AFF3: variants seen among roughly 807,000 people sequenced by gnomAD.
AFF3 encodes ALF transcription elongation factor 3.
AFF3 carries 32 observed loss-of-function variants against 129.7 expected under a neutral mutation model. That is an observed-to-expected ratio of 0.25 (90% confidence interval 0.19 to 0.33). AFF3 has a LOEUF of 0.33. Among genes scored for constraint, AFF3 ranks in the 10% least tolerant of loss-of-function variants. The pLI, the probability that AFF3 is intolerant of heterozygous loss-of-function variation, is 1.00. For missense variants in AFF3, 1,373 were observed against 1,592.0 expected, an observed-to-expected ratio of 0.86 and a Z score of 2.34; for synonymous variants, 644 against 635.4, an observed-to-expected ratio of 1.01 and a Z score of -0.20.
intron 8 of AFF3, among the ~76,000 whole-genome samples, chr2:99,836,928 T>C (rs2105789216): frequency 6.6e-6 from 1 of 152,302 alleles, no homozygotes; most frequent in African/African-American, 2.4e-5. Flanking sequence ...TAAGTCAATC[T>C]GGGCACGAAA....
intron 12 of AFF3, among the ~76,000 whole-genome samples, chr2:99,654,530 T>C (rs76742019): frequency 1.3e-5 from 2 of 152,208 alleles, no homozygotes; most frequent in East Asian, 1.9e-4. Flanking sequence ...AAAGTACTCA[T>C]AGTAAACTAG....
At chr2:99,729,995 T>C (rs922571019) in intron 10 of AFF3, among the ~76,000 whole-genome samples, 9 of 152,178 alleles carry the variant, frequency 5.9e-5, no homozygotes, top group African/African-American at 2.2e-4. Flanking sequence ...GAACTATATA[T>C]GCAAATATAT....
intron 11 of AFF3, among the ~76,000 whole-genome samples, chr2:99,724,000 C>A (rs1460180095): frequency 6.6e-6 from 1 of 152,304 alleles, no homozygotes; most frequent in South Asian, 2.1e-4. Flanking sequence ...ACCAACCCTG[C>A]TGACACCCTG....
chr2:100,063,630 C>A (rs1687479028), intron 4 of AFF3, among the ~76,000 whole-genome samples: 1 of 151,832 alleles, frequency 6.6e-6, no homozygotes, highest in African/African-American at 2.4e-5. Flanking sequence ...AAATGTTAAC[C>A]TAAATGGAGA....
intron 7 of AFF3, among the ~76,000 whole-genome samples, chr2:99,903,315 C>A (rs1007748639): frequency 6.6e-6 from 1 of 152,168 alleles, no homozygotes; most frequent in Non-Finnish European, 1.5e-5. Flanking sequence ...AACAAACTCT[C>A]TTCTGCTTTA....
At chr2:99,816,541 G>A (rs1206277521) in intron 8 of AFF3, among the ~76,000 whole-genome samples, 2 of 152,154 alleles carry the variant, frequency 1.3e-5, no homozygotes, top group African/African-American at 4.8e-5. Context: ...GTGGTCAGGA[G>A]TCTAGTTGTT....
chr2:99,925,741 TGCAGGGA>T, intron 7 of AFF3, among the ~76,000 whole-genome samples: 1 of 152,246 alleles, frequency 6.6e-6, no homozygotes, highest in African/African-American at 2.4e-5. Context: ...GCAGGTAGAG[TGCAGGGA>T]TGCTGCATAC....
At chr2:99,737,649 T>TC (rs199738044) in intron 10 of AFF3, among the ~76,000 whole-genome samples, 1 of 151,914 alleles carries the variant, frequency 6.6e-6, no homozygotes, top group Non-Finnish European at 1.5e-5. Flanking sequence ...TTTTTTTTTT[T>TC]CATTTATCCT....
At chr2:99,624,287 G>C (rs1682336012) in intron 13 of AFF3, among the ~76,000 whole-genome samples, 1 of 152,138 alleles carries the variant, frequency 6.6e-6, no homozygotes, top group Admixed American at 6.5e-5. Context: ...GGAGGTGACA[G>C]TTTGGGAAGC....
chr2:99,552,412 T>C (rs1039717190), intron 24 of AFF3, among the ~76,000 whole-genome samples: 2 of 152,116 alleles, frequency 1.3e-5, no homozygotes, highest in Non-Finnish European at 2.9e-5. Flanking sequence ...ATATCTATGA[T>C]GTACCAAGGC....
At chr2:99,967,026 T>C (rs1303810323) in intron 7 of AFF3, among the ~76,000 whole-genome samples, 2 of 152,166 alleles carry the variant, frequency 1.3e-5, no homozygotes, top group African/African-American at 4.8e-5. Flanking sequence ...AAGTTGGAAG[T>C]CAAAACATCC....
chr2:99,800,247 T>C (rs532845425), intron 8 of AFF3, among the ~76,000 whole-genome samples: 3 of 152,130 alleles, frequency 2.0e-5, no homozygotes, highest in South Asian at 4.1e-4. Context: ...AACAACCTAG[T>C]AAAAAAGGCC....
intron 8 of AFF3, among the ~76,000 whole-genome samples, chr2:99,793,057 CT>C (rs1471444685): frequency 6.6e-6 from 1 of 152,154 alleles, no homozygotes; most frequent in Non-Finnish European, 1.5e-5. Context: ...GCGATGACCC[CT>C]GGTGTTGGAG....
chr2:99,640,641 C>G (rs1179533233), intron 13 of AFF3, among the ~76,000 whole-genome samples: 1 of 150,620 alleles, frequency 6.6e-6, no homozygotes, highest in East Asian at 2.0e-4. Context: ...GCTTTCTTGT[C>G]TCCTTAATCA....
At chr2:99,681,908 ATTTTT>A (rs35944169) in intron 11 of AFF3, among the ~76,000 whole-genome samples, 1 of 139,540 alleles carries the variant, frequency 7.2e-6, no homozygotes. Context: ...CCTTAATTCT[ATTTTT>A]TTTTTTTTTT....
intron 15 of AFF3, among the ~76,000 whole-genome samples, chr2:99,590,167 C>T (rs886268709): frequency 6.6e-6 from 1 of 152,252 alleles, no homozygotes; most frequent in Non-Finnish European, 1.5e-5. Flanking sequence ...GAATGTCTTA[C>T]TACCTGGATG....
At chr2:100,015,353 A>G (rs1682923713) in intron 4 of AFF3, among the ~76,000 whole-genome samples, 1 of 152,094 alleles carries the variant, frequency 6.6e-6, no homozygotes, top group Non-Finnish European at 1.5e-5. Flanking sequence ...ATCTTTTCAG[A>G]TACTTTGAGA....
At chr2:99,609,602 T>C (rs1406754372) in intron 13 of AFF3, among the ~76,000 whole-genome samples, 5 of 152,238 alleles carry the variant, frequency 3.3e-5, no homozygotes, top group African/African-American at 2.4e-5. Flanking sequence ...GGTATATATA[T>C]ACACCACATT....
chr2:99,580,239 CA>C (rs1356080905), intron 17 of AFF3, among the ~76,000 whole-genome samples: 3 of 152,122 alleles, frequency 2.0e-5, no homozygotes. Flanking sequence ...GATCTCGCAT[CA>C]GGGGTCAGCC....
Sources: gnomAD v4.1 joint callset for allele counts (sites outside exome capture counted in the v4.1 genomes callset) on GRCh38, gnomAD v4.1.1 for gene constraint, MANE v1.5 for transcripts, NCBI Gene and HGNC (gene_info 2026-07-23, HGNC 2026-07-21) for gene names.